FBXW7: variants seen among roughly 807,000 people sequenced by gnomAD.
FBXW7 encodes the protein F-box/WD repeat-containing protein 7.
In FBXW7, 11 loss-of-function variants were observed where a neutral mutation model predicts 86.3. The ratio of observed to expected loss-of-function variants is 0.13; its 90% CI spans 0.08 to 0.21. The LOEUF (loss-of-function observed/expected upper bound fraction) is 0.21. Among genes scored for constraint, FBXW7 ranks in the 10% least tolerant of loss-of-function variants. FBXW7 has a pLI of 1.00. For missense variants in FBXW7, 488 were observed against 847.4 expected, an observed-to-expected ratio of 0.58 and a Z score of 5.27; for synonymous variants, 313 against 297.9, an observed-to-expected ratio of 1.05 and a Z score of -0.52.
At chr4:152,533,180 ACT>A (rs1382327269) in intron 2 of FBXW7, among the ~76,000 whole-genome samples, 1 of 149,980 alleles carries the variant, frequency 6.7e-6, no homozygotes, top group Non-Finnish European at 1.5e-5. Context: ...ACAGAGCAAG[ACT>A]CTGTCTCAAA....
At chr4:152,530,154 C>T (rs191404988) in intron 2 of FBXW7, 35 of 148,836 alleles carry the variant, frequency 2.4e-4, no homozygotes, top group Middle Eastern at 3.5e-3. Flanking sequence ...TATGTATATA[C>T]ATCAAAGCTT....
chr4:152,338,304 T>C (rs1730368996), intron 6 of FBXW7, among the ~76,000 whole-genome samples: 1 of 152,098 alleles, frequency 6.6e-6, no homozygotes, highest in South Asian at 2.1e-4. Flanking sequence ...TGACAATTTC[T>C]CTACATTCTT....
At chr4:152,380,604 C>G (rs1392915446) in intron 4 of FBXW7, among the ~76,000 whole-genome samples, 1 of 151,762 alleles carries the variant, frequency 6.6e-6, no homozygotes, top group Non-Finnish European at 1.5e-5. Context: ...TCAGGAAAGC[C>G]TTACAGTTCT....
At chr4:152,509,231 T>G (rs1185286116) in intron 2 of FBXW7, among the ~76,000 whole-genome samples, 1 of 152,228 alleles carries the variant, frequency 6.6e-6, no homozygotes, top group Non-Finnish European at 1.5e-5. Context: ...GTCTGTAGAC[T>G]ATCAGTATTA....
intron 4 of FBXW7, among the ~76,000 whole-genome samples, chr4:152,391,676 C>T (rs1447828243): frequency 1.3e-5 from 2 of 152,028 alleles, no homozygotes; most frequent in East Asian, 3.9e-4. Flanking sequence ...CTAGATCATG[C>T]TTTGTATCAC....
intron 6 of FBXW7, among the ~76,000 whole-genome samples, chr4:152,343,345 C>T (rs909325704): frequency 6.6e-6 from 1 of 152,190 alleles, no homozygotes; most frequent in South Asian, 2.1e-4. Context: ...GAGAAAATTT[C>T]TGAGGTCCAC....
intron 4 of FBXW7, among the ~76,000 whole-genome samples, chr4:152,392,905 AAAGAGTT>A (rs1375147820): frequency 2.0e-5 from 3 of 152,186 alleles, no homozygotes; most frequent in Non-Finnish European, 4.4e-5. Context: ...AAAACTTTTT[AAAGAGTT>A]ACTTTGGCTT....
intron 2 of FBXW7, among the ~76,000 whole-genome samples, chr4:152,460,643 G>A (rs1742854235): frequency 6.6e-6 from 1 of 152,178 alleles, no homozygotes; most frequent in Non-Finnish European, 1.5e-5. Context: ...CATGGCTAGA[G>A]GTCGCCATTG....
intron 2 of FBXW7, among the ~76,000 whole-genome samples, chr4:152,453,976 G>A (rs919541758): frequency 4.6e-5 from 7 of 151,938 alleles, no homozygotes; most frequent in South Asian, 2.1e-4. Context: ...GTAAATTCCA[G>A]ACATCACGTC....
intron 13 of FBXW7, chr4:152,323,906 G>C (rs1463159225): frequency 9.0e-6 from 3 of 332,410 alleles, no homozygotes; most frequent in Admixed American, 4.5e-5. Context: ...CTATGATATA[G>C]CCAAGATCTT....
chr4:152,332,532 T>C, intron 8 of FBXW7, 64 bp downstream of exon 8: 5 of 1,401,832 alleles, frequency 3.6e-6, no homozygotes, highest in Non-Finnish European at 4.8e-6. Context: ...TTTTTCTACT[T>C]GTTTTCAGAA....
At position 152,346,059 on chromosome 4, in the gene FBXW7, C is replaced by T. The variant is rs113413056; in HGVS notation, c.726+871G>A. Among the ~76,000 whole-genome samples the T allele has an allele frequency of 2.0e-4, 30 of 151,992 alleles. 1 individual carries two copies. Among genetic ancestry groups the T allele is most frequent in the African/African-American group, 7.2e-4 (30 of 41,488 alleles). On this transcript the variant is annotated intron_variant, in intron 6 of 13. Coordinates refer to ENST00000281708, the MANE Select transcript of FBXW7 (RefSeq NM_001349798.2). The stretch of plus-strand genomic sequence containing the variant: ...TAATTGAGTAAGTACTTAATCCTTG[C>T]CATGTATTTTGCTAAACACTTGATG...
intron 2 of FBXW7, among the ~76,000 whole-genome samples, chr4:152,501,173 T>G (rs924467799): frequency 1.3e-5 from 2 of 152,230 alleles, no homozygotes; most frequent in African/African-American, 4.8e-5. Context: ...GCCATTATTA[T>G]GGTACACAGT....
chr4:152,389,557 T>C (rs1256052721), intron 4 of FBXW7, among the ~76,000 whole-genome samples: 1 of 151,966 alleles, frequency 6.6e-6, no homozygotes, highest in Admixed American at 6.6e-5. Context: ...CTAAGTAAAG[T>C]GTACACATGA....
At chr4:152,375,814 T>C (rs919060641) in intron 4 of FBXW7, among the ~76,000 whole-genome samples, 1 of 152,080 alleles carries the variant, frequency 6.6e-6, no homozygotes, top group Non-Finnish European at 1.5e-5. Context: ...TTTAATAATA[T>C]TTATCAAGAA....
At chr4:152,401,531 G>A (rs1736928164) in intron 4 of FBXW7, among the ~76,000 whole-genome samples, 1 of 152,172 alleles carries the variant, frequency 6.6e-6, no homozygotes, top group Non-Finnish European at 1.5e-5. Context: ...ATGAGAGGCT[G>A]GGGAAGAAAG....
chr4:152,390,469 C>T (rs767639881), intron 4 of FBXW7, among the ~76,000 whole-genome samples: 34 of 152,004 alleles, frequency 2.2e-4, no homozygotes, highest in African/African-American at 7.0e-4. Flanking sequence ...GAATTTAGTT[C>T]GTGATTATTA....
In FBXW7 at chr4:152,403,136, G is replaced by GA. The variant is rs529546834; in HGVS notation, c.501+8166dup. On this transcript the variant is annotated intron_variant, in intron 4 of 13. Coordinates refer to ENST00000281708, the MANE Select transcript of FBXW7 (RefSeq NM_001349798.2). ...GGAGTTGGGAATACGGGAAGGGAGG[G>GA]AAGGGAAAGCACTGATGATTTCCTC... 2.0e-3 allele frequency among the ~76,000 whole-genome samples: 298 copies of GA among 152,228 alleles called. 1 individual carries two copies. In the Middle Eastern group the frequency reaches 0.024, roughly 12 times the overall value.
chr4:152,433,982 T>C (rs544793749), intron 2 of FBXW7, among the ~76,000 whole-genome samples: 2 of 152,334 alleles, frequency 1.3e-5, no homozygotes, highest in East Asian at 1.9e-4. Flanking sequence ...GGTGCACTTA[T>C]ACGTGGATTT....
Sources: gnomAD v4.1 joint callset for allele counts (sites outside exome capture counted in the v4.1 genomes callset) on GRCh38, gnomAD v4.1.1 for gene constraint, MANE v1.5 for transcripts, NCBI Gene and HGNC (gene_info 2026-07-23, HGNC 2026-07-21) for gene names.